The following DNAI1 variants were observed in gnomAD, a reference collection of about 807,000 sequenced individuals.
DNAI1 encodes dynein, axonemal, intermediate polypeptide 1.
Under a neutral mutation model 92.0 loss-of-function variants are expected in DNAI1, and 67 were observed. The ratio of observed to expected loss-of-function variants is 0.73; its 90% CI spans 0.60 to 0.89. DNAI1 has a LOEUF of 0.89. DNAI1 is among the 40% of genes least tolerant of loss of function. The pLI, the probability that DNAI1 is intolerant of heterozygous loss-of-function variation, is 0.00. For missense variants in DNAI1, 839 were observed against 866.6 expected, an observed-to-expected ratio of 0.97 and a Z score of 0.40; for synonymous variants, 323 against 319.6, an observed-to-expected ratio of 1.01 and a Z score of -0.11.
At chr9:34,505,923 C>T (rs1412870420) in intron 12 of DNAI1, among the ~76,000 whole-genome samples, 1 of 152,184 alleles carries the variant, frequency 6.6e-6, no homozygotes, top group Non-Finnish European at 1.5e-5. Flanking sequence ...TCAGGATGGG[C>T]GCCAAGTACA....
Position 34,485,435 on chromosome 9 carries a change from A to C in DNAI1, c.181-2A>C. 7 of 1,614,090 alleles carry C rather than the reference A, an allele frequency of 4.3e-6. No individual in the cohort carries two copies. Among genetic ancestry groups the C allele is most frequent in the Non-Finnish European group, 5.9e-6 (7 of 1,179,998 alleles). On this transcript the variant is annotated splice_acceptor_variant, in intron 3 of 19. Coordinates refer to ENST00000242317, the MANE Select transcript of DNAI1 (RefSeq NM_012144.4). LOFTEE classifies it high-confidence loss of function. ...GACCCTCTTGGTATTTTTCTCCCTC[A>C]GGAGTTAAAGGAGGAGTTCACTCGG...
intron 8 of DNAI1, 104 bp from the exon 9 acceptor site, chr9:34,493,090 G>T: frequency 6.6e-7 from 1 of 1,505,588 alleles, no homozygotes; most frequent in South Asian, 1.1e-5. Flanking sequence ...GATGCTTGTT[G>T]CCAGGGTTAA....
At chr9:34,501,113 A>G in intron 11 of DNAI1, 25 bp from the exon 12 acceptor site, 1 of 1,604,924 alleles carries the variant, frequency 6.2e-7, no homozygotes, top group South Asian at 1.1e-5. Flanking sequence ...TTCCTATGCC[A>G]ATGGATTCAT....
chr9:34,492,215 G>A (rs3793472), intron 8 of DNAI1, among the ~76,000 whole-genome samples: 115,419 of 151,534 alleles, frequency 0.76, 44,079 homozygotes, highest in South Asian at 0.87. Context: ...CTGGGGGGGA[G>A]TTATTAAATG....
intron 2 of DNAI1, among the ~76,000 whole-genome samples, chr9:34,484,490 T>G (rs1341832242): frequency 2.6e-5 from 4 of 152,220 alleles, no homozygotes; most frequent in African/African-American, 4.8e-5. Context: ...TTGCCAATTT[T>G]ATAGTGAAAA....
chr9:34,506,580 A>G (rs1338327404), intron 12 of DNAI1, 47 bp from the exon 13 acceptor site: 2 of 1,613,328 alleles, frequency 1.2e-6, no homozygotes, highest in South Asian at 2.2e-5. Flanking sequence ...TTCTCCAGGC[A>G]GGGCAGTTGG....
At position 34,490,215 on chromosome 9, in the gene DNAI1, C is replaced by A. The variant is rs76570405; in HGVS notation, c.501+91C>A. On this transcript the variant is annotated intron_variant, in intron 6 of 19. Transcript: ENST00000242317. ...GTAACTTGGGAAAGGAGGAGGGAGA[C>A]CTAAGGTGAGAATAGAGGCTGCAGG... The A allele has an allele frequency of 3.5e-4, 557 of 1,610,788 alleles. 11 individuals carry two copies. The East Asian group carries it at 0.011, about 30-fold the overall frequency.
chr9:34,462,887 A>ATAGC (rs1823975295), intron 1 of DNAI1, among the ~76,000 whole-genome samples: 1 of 152,244 alleles, frequency 6.6e-6, no homozygotes, highest in African/African-American at 2.4e-5. Flanking sequence ...TATTGGTGAT[A>ATAGC]TAGCAAGAAA....
intron 1 of DNAI1, among the ~76,000 whole-genome samples, chr9:34,470,661 T>A (rs937612515): frequency 1.3e-5 from 2 of 152,236 alleles, no homozygotes; most frequent in African/African-American, 4.8e-5. Context: ...ATATTCATAA[T>A]GATAATTTGA....
chr9:34,502,574 G>A (rs1824851980), intron 12 of DNAI1, among the ~76,000 whole-genome samples: 1 of 152,094 alleles, frequency 6.6e-6, no homozygotes, highest in South Asian at 2.1e-4. Flanking sequence ...TCAGCTGGTC[G>A]GGGTCATGTG....
chr9:34,514,591 G>A (rs1412035238), intron 17 of DNAI1, 49 bp downstream of exon 17: 2 of 1,614,102 alleles, frequency 1.2e-6, no homozygotes, highest in African/African-American at 2.7e-5. Context: ...CTGGGCTATG[G>A]CACTGTGAGC....
intron 4 of DNAI1, 35 bp from the exon 5 acceptor site, chr9:34,489,288 G>A (rs201150189): frequency 3.0e-5 from 49 of 1,612,810 alleles, no homozygotes; most frequent in Non-Finnish European, 4.0e-5. Context: ...GCTCTTTTAG[G>A]GATCCCTGGT....
chr9:34,512,089 C>G lies in DNAI1; in HGVS notation c.1312-20C>G, dbSNP rs1371576468. The G allele has an allele frequency of 1.2e-6, 2 of 1,612,372 alleles. No individual in the cohort carries two copies. The highest frequency in any genetic ancestry group is 2.2e-5 in the South Asian group (2 of 91,032). On this transcript the variant is annotated intron_variant, in intron 13 of 19. Transcript: ENST00000242317. ...AACACTTTAGCAGGGTCCCAGAGCTCACATTTTGGGATGTTTCAGGTCAAG... is the reference window on the plus strand; with the variant it reads ...AACACTTTAGCAGGGTCCCAGAGCTGACATTTTGGGATGTTTCAGGTCAAG...
At chr9:34,504,252 T>C (rs952019395) in intron 12 of DNAI1, among the ~76,000 whole-genome samples, 8 of 152,228 alleles carry the variant, frequency 5.3e-5, no homozygotes, top group African/African-American at 1.9e-4. Context: ...CATCCTGGCC[T>C]GTCCCTGGGC....
chr9:34,501,295 GGGCTCA>G (rs1824826756), intron 12 of DNAI1, 114 bp downstream of exon 12: 1 of 897,974 alleles, frequency 1.1e-6, no homozygotes, highest in Non-Finnish European at 1.9e-6. Flanking sequence ...TGCCCGCAGG[GGGCTCA>G]CAGTCTAATG....
intron 1 of DNAI1, among the ~76,000 whole-genome samples, chr9:34,477,424 T>C (rs533023467): frequency 6.6e-5 from 10 of 152,292 alleles, no homozygotes; most frequent in African/African-American, 2.4e-4. Context: ...ATACTCCATA[T>C]GGTGGTTGTG....
intron 1 of DNAI1, among the ~76,000 whole-genome samples, chr9:34,474,260 G>A (rs1824198128): frequency 6.6e-6 from 1 of 150,614 alleles, no homozygotes; most frequent in Admixed American, 6.6e-5. Flanking sequence ...TTTGAGACAG[G>A]GATTTGCTCT....
chr9:34,479,816 C>T (rs1052700906), intron 1 of DNAI1, among the ~76,000 whole-genome samples: 4 of 152,156 alleles, frequency 2.6e-5, no homozygotes, highest in African/African-American at 9.7e-5. Context: ...AATCCTGCTG[C>T]CTGCTCTATC....
Position 34,506,617 on chromosome 9 carries a change from C to T in DNAI1, c.1064-10C>T, listed in dbSNP as rs1442041564. On this transcript the variant is annotated splice_polypyrimidine_tract_variant and intron_variant, in intron 12 of 19. Transcript: ENST00000242317. ...TCCTCCAACCTCAGCCGCCCATCTT[C>T]CCTGGGTAGATGACTTCATGAAGCA... 3 of 1,614,168 alleles carry T rather than the reference C, an allele frequency of 1.9e-6. No homozygotes were observed. The highest frequency in any genetic ancestry group is 2.5e-6 in the Non-Finnish European group (3 of 1,180,032).
Sources: gnomAD v4.1 joint callset for allele counts (sites outside exome capture counted in the v4.1 genomes callset) on GRCh38, gnomAD v4.1.1 for gene constraint, MANE v1.5 for transcripts, NCBI Gene and HGNC (gene_info 2026-07-23, HGNC 2026-07-21) for gene names.